RND1: variants seen among roughly 807,000 people sequenced by gnomAD.
RND1 encodes the protein Rho family GTPase 1, also known as rho-related GTP-binding protein Rho6.
In RND1, 9 loss-of-function variants were observed where a neutral mutation model predicts 27.1. That is an observed-to-expected ratio of 0.33 (90% CI 0.20 to 0.58). The LOEUF (loss-of-function observed/expected upper bound fraction) is 0.58, where lower values mean the gene tolerates loss of function less well. RND1 is among the 20% of genes least tolerant of loss of function. RND1 has a pLI of 0.86. For missense variants in RND1, 253 were observed against 292.2 expected, an observed-to-expected ratio of 0.87 and a Z score of 0.98; for synonymous variants, 108 against 115.7, an observed-to-expected ratio of 0.93 and a Z score of 0.43.
rs1938979442 is a variant in RND1, at chr12:48,865,770, T to C, written c.-3A>G. ...TGGGGGGCCCGTCTCTCCTTCATGGTTGCAGTGTCCGCGGGACTTGAACTT... is the reference window on the plus strand; with the variant it reads ...TGGGGGGCCCGTCTCTCCTTCATGGCTGCAGTGTCCGCGGGACTTGAACTT... On this transcript the variant is annotated 5_prime_UTR_variant, in exon 1 of 5. Transcript: ENST00000309739. 6.3e-7 allele frequency: 1 copy of C among 1,589,626 alleles called. No individual in the cohort carries two copies. The highest frequency in any genetic ancestry group is 8.6e-7 in the Non-Finnish European group (1 of 1,163,200).
At chr12:48,862,243 T>C in intron 2 of RND1, 125 bp from the exon 3 acceptor site, 1 of 608,690 alleles carries the variant, frequency 1.6e-6, no homozygotes, top group Non-Finnish European at 2.9e-6. Context: ...CCAGGGGGAA[T>C]GTACTGCGGC....
chr12:48,864,194 G>C (rs930742018), intron 2 of RND1, among the ~76,000 whole-genome samples: 1 of 152,108 alleles, frequency 6.6e-6, no homozygotes, highest in Non-Finnish European at 1.5e-5. Flanking sequence ...TCATCCCCGA[G>C]CTGCAGCGGT....
At chr12:48,860,961 C>G in intron 4 of RND1, 36 bp downstream of exon 4, 1 of 1,612,004 alleles carries the variant, frequency 6.2e-7, no homozygotes, top group Non-Finnish European at 8.5e-7. Flanking sequence ...GCCTTCCTCA[C>G]TCCACCCCAC....
At chr12:48,863,381 G>A (rs1478513855) in intron 2 of RND1, among the ~76,000 whole-genome samples, 1 of 152,034 alleles carries the variant, frequency 6.6e-6, no homozygotes, top group Non-Finnish European at 1.5e-5. Flanking sequence ...CCATGATCTG[G>A]TTTGGGATTT....
chr12:48,864,672 A>T, intron 2 of RND1, 111 bp downstream of exon 2: 1 of 846,502 alleles, frequency 1.2e-6, no homozygotes, highest in South Asian at 1.4e-5. Flanking sequence ...GAGTCTTCAG[A>T]TCCTCTTTTT....
Position 48,862,056 on chromosome 12 carries a change from A to G in RND1, c.271T>C (p.Cys91Arg), listed in dbSNP as rs1247116893. 3 of 1,613,742 alleles carry G rather than the reference A, an allele frequency of 1.9e-6. No homozygotes were observed. The highest frequency in any genetic ancestry group is 2.5e-6 in the Non-Finnish European group (3 of 1,179,602). ...CYSDSDAVLL[C>R]FDISRPETVD... is the part of the protein sequence containing the mutation. Reference sequence around the variant, plus strand: ...GTCTCTGGACGGCTGATGTCAAAACATAGTAATACTGCATCCGAGTCGCTG... The same window carrying G: ...GTCTCTGGACGGCTGATGTCAAAACGTAGTAATACTGCATCCGAGTCGCTG... The change falls in exon 3 of 5, where the codon TGT becomes CGT. Residue 91 changes from cysteine (C) to arginine (R), a missense_variant. Cys to Arg is a radical substitution (Grantham distance 180, BLOSUM62 -3). Transcript: ENST00000309739.
In RND1 at chr12:48,862,104, C is replaced by G; in HGVS notation, c.223G>C (p.Asp75His). ...LWDTSGSPYYDNVRPLCYSDS... is the reference protein window; with the variant it reads ...LWDTSGSPYYHNVRPLCYSDS... Reference sequence around the variant, plus strand: ...CTGTAGCAGAGTGGACGGACATTATCGTAGTAGGGAGATCCTGGTGTAGGC... The same window carrying G: ...CTGTAGCAGAGTGGACGGACATTATGGTAGTAGGGAGATCCTGGTGTAGGC... The change falls in exon 3 of 5, where the codon GAT becomes CAT. Residue 75 changes from aspartate to histidine, a missense_variant. By Grantham distance (81) the Asp-to-His change is moderately conservative. Transcript: ENST00000309739. 2 of 1,609,102 alleles carry G rather than the reference C, an allele frequency of 1.2e-6. No individual in the cohort carries two copies. Among genetic ancestry groups the G allele is most frequent in the Non-Finnish European group, 1.7e-6 (2 of 1,175,800 alleles).
intron 3 of RND1, 102 bp from the exon 4 acceptor site, chr12:48,861,233 C>G: frequency 2.6e-6 from 3 of 1,137,652 alleles, no homozygotes; most frequent in Non-Finnish European, 3.8e-6. Flanking sequence ...TCACACACAT[C>G]ACCTCACTCA....
chr12:48,865,274 C>T, intron 1 of RND1: 1 of 388,454 alleles, frequency 2.6e-6, no homozygotes, highest in South Asian at 2.4e-5. Flanking sequence ...AAGGCACAGG[C>T]ATAGAGCCTT....
chr12:48,861,986 T>G (rs1246580657), intron 3 of RND1, 23 bp downstream of exon 3: 3 of 1,326,830 alleles, frequency 2.3e-6, no homozygotes, highest in Non-Finnish European at 2.2e-6. Context: ...GAGTTAGAGA[T>G]TAGAGAGTTG....
intron 1 of RND1, 80 bp from the exon 2 acceptor site, chr12:48,864,950 A>G: frequency 9.8e-7 from 1 of 1,016,480 alleles, no homozygotes; most frequent in South Asian, 1.3e-5. Context: ...ACACGCACTC[A>G]CCAGAGAGAC....
At chr12:48,860,352 G>A (rs1174573918) in intron 4 of RND1, among the ~76,000 whole-genome samples, 1 of 152,028 alleles carries the variant, frequency 6.6e-6, no homozygotes, top group Non-Finnish European at 1.5e-5. Context: ...TCAAGTGCTG[G>A]GATTACAGGC....
At position 48,861,030 on chromosome 12, in the gene RND1, G is replaced by A; in HGVS notation, c.420C>T (p.Ser140=). The change falls in exon 4 of 5, where the codon TCC becomes TCT. Residue 140 remains serine, a synonymous_variant. Transcript: ENST00000309739. ...AGGAGATGGGCGCCTGCTTCTGGTG[G>A]GACAGCTCCATCAGAGTACTCAGGT... The part of the protein sequence containing the change: ...RTDLSTLMEL[S]HQKQAPISYE... 1 of 1,613,914 alleles carries A rather than the reference G, an allele frequency of 6.2e-7. No homozygotes were observed. Among genetic ancestry groups the A allele is most frequent in the East Asian group, 2.2e-5 (1 of 44,884 alleles).
At position 48,858,035 on chromosome 12, in the gene RND1, G is replaced by T; in HGVS notation, c.660C>A (p.Thr220=). 6.2e-7 allele frequency: 1 copy of T among 1,612,626 alleles called. No homozygotes were observed. The highest frequency in any genetic ancestry group is 8.5e-7 in the Non-Finnish European group (1 of 1,179,306). Reference sequence around the variant, plus strand: ...AGCTTTTGGCCTTTTCCTTCTTGAAGGTAGAAGAGATGAGTTCAGAGCGAC... The same window carrying T: ...AGCTTTTGGCCTTTTCCTTCTTGAATGTAGAAGAGATGAGTTCAGAGCGAC... ...LPSRSELISS[T]FKKEKAKSCS... is the part of the protein sequence containing the mutation. Residue 220 remains threonine (T), a synonymous_variant, in exon 5 of 5, where the codon ACC becomes ACA. Coordinates refer to ENST00000309739, the MANE Select transcript of RND1 (RefSeq NM_014470.4).
intron 2 of RND1, among the ~76,000 whole-genome samples, chr12:48,862,541 ACCT>A (rs1938931091): frequency 6.6e-6 from 1 of 150,782 alleles, no homozygotes; most frequent in Admixed American, 6.6e-5. Flanking sequence ...GAAGAGAAAA[ACCT>A]CCTTGTTACA....
At position 48,865,517 on chromosome 12, in the gene RND1, T is replaced by C. The variant is rs771173879; in HGVS notation, c.120+131A>G. On this transcript the variant is annotated intron_variant, in intron 1 of 4. Coordinates refer to ENST00000309739, the MANE Select transcript of RND1 (RefSeq NM_014470.4). ...CCTCCAGCCAAAAAGCAGCTGAGGA[T>C]GGTAAAGCCTCAGAAAGCGGCTGAG... 8.5e-6 allele frequency: 9 copies of C among 1,058,208 alleles called. No individual in the cohort carries two copies. The South Asian group carries it at 1.1e-4, about 13-fold the overall frequency. The allele number at this position is 1,058,208 out of a possible 1,614,324, so 65.6% of individuals were successfully genotyped here.
At chr12:48,865,487 G>A in intron 1 of RND1, 161 bp downstream of exon 1, 1 of 796,880 alleles carries the variant, frequency 1.3e-6, no homozygotes, top group Non-Finnish European at 2.1e-6. Context: ...CTAAGGCAGG[G>A]CAGTCCTCCA....
chr12:48,858,332 G>A, intron 4 of RND1, 91 bp from the exon 5 acceptor site: 3 of 1,434,274 alleles, frequency 2.1e-6, no homozygotes, highest in Non-Finnish European at 2.8e-6. Context: ...CACTCCAGAG[G>A]GGACCCAGCT....
In RND1 at chr12:48,857,948, A is replaced by G; in HGVS notation, c.*48T>C. The G allele has an allele frequency of 6.5e-7, 1 of 1,538,894 alleles. No individual in the cohort carries two copies. Among genetic ancestry groups the G allele is most frequent in the Non-Finnish European group, 8.7e-7 (1 of 1,144,292 alleles). ...ATCCTCCCTCTCCCCGTGCCTCTGCACCCCAAGGGAGGAAGTAGGGGGTTG... is the reference window on the plus strand; with the variant it reads ...ATCCTCCCTCTCCCCGTGCCTCTGCGCCCCAAGGGAGGAAGTAGGGGGTTG... On this transcript the variant is annotated 3_prime_UTR_variant, in exon 5 of 5. Coordinates refer to ENST00000309739, the MANE Select transcript of RND1 (RefSeq NM_014470.4).
Sources: gnomAD v4.1 joint callset for allele counts (sites outside exome capture counted in the v4.1 genomes callset) on GRCh38, gnomAD v4.1.1 for gene constraint, MANE v1.5 for transcripts, NCBI Gene and HGNC (gene_info 2026-07-23, HGNC 2026-07-21) for gene names.